The following WWC2 variants were observed in gnomAD, a reference collection of about 807,000 sequenced individuals.
WWC2 encodes protein WWC2.
WWC2 carries 101 observed loss-of-function variants against 138.5 expected under a neutral mutation model. That is an observed-to-expected ratio of 0.73 (90% confidence interval 0.62 to 0.86). The LOEUF (loss-of-function observed/expected upper bound fraction) is 0.86, where lower values mean the gene tolerates loss of function less well. WWC2 is among the 40% of genes least tolerant of loss of function. The probability of loss-of-function intolerance (pLI) is 0.00; values close to 1 mark genes in which losing one functional copy is unlikely to be tolerated. For missense variants in WWC2, 1,420 were observed against 1,419.4 expected (o/e 1.00, Z -0.01); for synonymous variants, 558 against 538.4 (o/e 1.04, Z -0.50).
At chr4:183,106,222 G>C (rs1743352412) in intron 1 of WWC2, among the ~76,000 whole-genome samples, 1 of 151,870 alleles carries the variant, frequency 6.6e-6, no homozygotes, top group Non-Finnish European at 1.5e-5. Context: ...GACCTCAGGT[G>C]ATCTGCCCAT....
intron 4 of WWC2, among the ~76,000 whole-genome samples, chr4:183,224,376 T>G (rs528194479): frequency 6.6e-6 from 1 of 152,268 alleles, no homozygotes; most frequent in South Asian, 2.1e-4. Flanking sequence ...CTTATTTATT[T>G]ATTTATTTGT....
chr4:183,292,872 A>G (rs942077847), intron 21 of WWC2, among the ~76,000 whole-genome samples: 3 of 151,840 alleles, frequency 2.0e-5, no homozygotes, highest in Non-Finnish European at 4.4e-5. Flanking sequence ...CTGACTAAAA[A>G]ATATTGGTAA....
rs1178899048 is a variant in WWC2, at chr4:183,271,070, A to T, written c.2401-10A>T. 2 of 1,507,490 alleles carry T rather than the reference A, an allele frequency of 1.3e-6. No homozygotes were observed. Among genetic ancestry groups the T allele is most frequent in the Non-Finnish European group, 1.8e-6 (2 of 1,128,508 alleles). The allele number at this position is 1,507,490 out of a possible 1,614,324, so 93.4% of individuals were successfully genotyped here. A position where few individuals can be genotyped will look rare whatever the true frequency, so the allele number is the denominator to read the frequency against. On this transcript the variant is annotated splice_polypyrimidine_tract_variant and intron_variant, in intron 15 of 22. Transcript: ENST00000403733. ...TATTTTTTTTTCTTTGTTTTCTTTCACTTACATAGGCTGGAACTCAGATCA... is the reference window on the plus strand; with the variant it reads ...TATTTTTTTTTCTTTGTTTTCTTTCTCTTACATAGGCTGGAACTCAGATCA...
At position 183,286,005 on chromosome 4, in the gene WWC2, A is replaced by G. The variant is rs757257720; in HGVS notation, c.3087A>G (p.Lys1029=). The change falls in exon 20 of 23, where the codon AAA becomes AAG. Residue 1029 remains lysine, a synonymous_variant. Transcript: ENST00000403733. ...RSDSDSSTLA[K]KSLFVRNSTE... is the part of the protein sequence containing the mutation. ...ACAGTGACAGTTCAACCCTGGCTAA[A>G]AAATCACTGTTTGTGAGAAACTCCA... 10 of 1,596,286 alleles carry G rather than the reference A, an allele frequency of 6.3e-6. No individual in the cohort carries two copies. Among genetic ancestry groups the G allele is most frequent in the Non-Finnish European group, 8.5e-7 (1 of 1,170,382 alleles).
chr4:183,176,111 C>CT (rs1273817021), intron 1 of WWC2, among the ~76,000 whole-genome samples: 1 of 152,220 alleles, frequency 6.6e-6, no homozygotes, highest in Non-Finnish European at 1.5e-5. Context: ...TTCCATATGT[C>CT]TAATTTTTAG....
chr4:183,246,659 C>T (rs994918951), intron 6 of WWC2, among the ~76,000 whole-genome samples: 3 of 152,086 alleles, frequency 2.0e-5, no homozygotes, highest in South Asian at 2.1e-4. Context: ...AGCTTACAGA[C>T]GAGGAAATTT....
chr4:183,191,223 G>A (rs886069561), intron 1 of WWC2, among the ~76,000 whole-genome samples: 1 of 152,032 alleles, frequency 6.6e-6, no homozygotes, highest in African/African-American at 2.4e-5. Flanking sequence ...CAATTTTCCA[G>A]GGCAGTTTTT....
rs558147293 is a variant in WWC2, at chr4:183,282,600, C to G, written c.2685-108C>G. 7 of 1,133,152 alleles carry G rather than the reference C, an allele frequency of 6.2e-6. No homozygotes were observed. In the African/African-American group the frequency reaches 1.1e-4, roughly 18 times the overall value. The allele number at this position is 1,133,152 out of a possible 1,614,324, so 70.2% of individuals were successfully genotyped here. The stretch of plus-strand genomic sequence containing the variant: ...CCCCAGCCAAAGAAATGGCTTGGCT[C>G]ATTGTGTGAGTCTGTTTATTTCCCA... On this transcript the variant is annotated intron_variant, in intron 17 of 22. Transcript: ENST00000403733.
intron 4 of WWC2, among the ~76,000 whole-genome samples, chr4:183,225,085 C>T (rs976597939): frequency 6.6e-6 from 1 of 152,010 alleles, no homozygotes; most frequent in Non-Finnish European, 1.5e-5. Context: ...TGCACTAGAC[C>T]TGGAATCAGA....
intron 4 of WWC2, among the ~76,000 whole-genome samples, chr4:183,238,705 GT>G (rs1194870231): frequency 6.6e-6 from 1 of 152,150 alleles, no homozygotes. Flanking sequence ...TTGAAACACT[GT>G]TTCCTCAGAC....
At chr4:183,236,200 T>C (rs947551613) in intron 4 of WWC2, among the ~76,000 whole-genome samples, 2 of 152,228 alleles carry the variant, frequency 1.3e-5, no homozygotes, top group African/African-American at 2.4e-5. Flanking sequence ...TCTATGTCAA[T>C]GTGTCTGTCT....
At chr4:183,284,932 A>G (rs1277925573) in intron 19 of WWC2, among the ~76,000 whole-genome samples, 3 of 152,208 alleles carry the variant, frequency 2.0e-5, no homozygotes, top group Admixed American at 6.5e-5. Flanking sequence ...ATCTAGTAAG[A>G]TAGACATAAT....
intron 21 of WWC2, among the ~76,000 whole-genome samples, chr4:183,304,062 T>TC (rs537458581): frequency 2.6e-5 from 4 of 152,192 alleles, no homozygotes; most frequent in African/African-American, 9.6e-5. Context: ...TGGTTTCTGG[T>TC]CCAACATATA....
chr4:183,230,591 C>T (rs765640640), intron 4 of WWC2, among the ~76,000 whole-genome samples: 2 of 152,090 alleles, frequency 1.3e-5, no homozygotes, highest in African/African-American at 2.4e-5. Flanking sequence ...GCAGGAGAAT[C>T]GCTTGAACCT....
At chr4:183,106,338 A>G (rs1579941151) in intron 1 of WWC2, among the ~76,000 whole-genome samples, 1 of 152,136 alleles carries the variant, frequency 6.6e-6, no homozygotes, top group African/African-American at 2.4e-5. Context: ...GATACAAATG[A>G]TTTATCAAAA....
intron 1 of WWC2, among the ~76,000 whole-genome samples, chr4:183,187,828 G>A (rs1222969506): frequency 6.6e-6 from 1 of 151,624 alleles, no homozygotes; most frequent in Non-Finnish European, 1.5e-5. Context: ...AGCCAAGATC[G>A]TGCCATTGCA....
chr4:183,210,940 A>G (rs1239380422), intron 4 of WWC2, among the ~76,000 whole-genome samples: 1 of 152,226 alleles, frequency 6.6e-6, no homozygotes, highest in Non-Finnish European at 1.5e-5. Context: ...CTCAGTGGAT[A>G]CTGCCAGTTT....
intron 1 of WWC2, among the ~76,000 whole-genome samples, chr4:183,117,516 C>T (rs796476526): frequency 2.3e-4 from 35 of 152,018 alleles, no homozygotes; most frequent in African/African-American, 7.2e-4. Flanking sequence ...CCACTGTGCC[C>T]GGCCACGTTC....
chr4:183,232,979 A>G (rs1736298092), intron 4 of WWC2, among the ~76,000 whole-genome samples: 1 of 151,838 alleles, frequency 6.6e-6, no homozygotes, highest in African/African-American at 2.4e-5. Flanking sequence ...CAGTTGGCAG[A>G]TAATTGTTTT....
Sources: allele counts gnomAD v4.1 joint callset (sites outside exome capture counted in the v4.1 genomes callset), GRCh38; gene constraint gnomAD v4.1.1; transcripts MANE v1.5; gene names NCBI Gene and HGNC (gene_info 2026-07-23, HGNC 2026-07-21).